MARCHF1: variants seen among roughly 807,000 people sequenced by gnomAD.
The protein encoded by MARCHF1 is membrane associated ring-CH-type finger 1.
A neutral mutation model predicts 54.2 loss-of-function variants in MARCHF1; 40 were observed. The observed-to-expected ratio is 0.74, with a 90% CI of 0.57 to 0.96. MARCHF1 has a LOEUF of 0.96. Ranked by LOEUF, MARCHF1 falls within the 40% of genes least tolerant of loss-of-function variation. The probability of loss-of-function intolerance (pLI) is 0.00; values close to 1 mark genes in which losing one functional copy is unlikely to be tolerated. For missense variants in MARCHF1, 586 were observed against 656.5 expected, an observed-to-expected ratio of 0.89 and a Z score of 1.17; for synonymous variants, 236 against 236.3, an observed-to-expected ratio of 1.00 and a Z score of 0.01.
At chr4:164,109,705 A>G (rs1755789466) in intron 2 of MARCHF1, among the ~76,000 whole-genome samples, 1 of 151,708 alleles carries the variant, frequency 6.6e-6, no homozygotes. Flanking sequence ...CTTGACTTTT[A>G]AAAATCGTTC....
At chr4:163,682,933 A>G (rs534998023) in intron 5 of MARCHF1, among the ~76,000 whole-genome samples, 50 of 152,320 alleles carry the variant, frequency 3.3e-4, no homozygotes, top group African/African-American at 1.2e-3. Context: ...GGGCTAATAC[A>G]TAGATATTAT....
chr4:164,382,397 T>G (rs936613870), intron 1 of MARCHF1, among the ~76,000 whole-genome samples: 4 of 152,246 alleles, frequency 2.6e-5, no homozygotes, highest in African/African-American at 9.6e-5. Flanking sequence ...TGATTGTTGC[T>G]TTCTTATACC....
chr4:164,295,834 T>G (rs919891021), intron 1 of MARCHF1, among the ~76,000 whole-genome samples: 1 of 152,088 alleles, frequency 6.6e-6, no homozygotes, highest in African/African-American at 2.4e-5. Flanking sequence ...TAACCTAAAC[T>G]AAAGCAAGAG....
At chr4:164,101,973 G>A (rs1755573521) in intron 2 of MARCHF1, among the ~76,000 whole-genome samples, 1 of 137,260 alleles carries the variant, frequency 7.3e-6, no homozygotes, top group African/African-American at 2.8e-5. Flanking sequence ...GAATGCAGAA[G>A]CCTCAGGAGC....
At chr4:164,250,646 T>G (rs1350059507) in intron 1 of MARCHF1, among the ~76,000 whole-genome samples, 1 of 152,150 alleles carries the variant, frequency 6.6e-6, no homozygotes, top group African/African-American at 2.4e-5. Flanking sequence ...AATAAATTAT[T>G]GATAATTGAT....
chr4:163,895,987 G>T (rs1381031703), intron 3 of MARCHF1, among the ~76,000 whole-genome samples: 1 of 152,076 alleles, frequency 6.6e-6, no homozygotes, highest in African/African-American at 2.4e-5. Flanking sequence ...ACTTCATTGT[G>T]AGAAGCATTG....
In MARCHF1 at chr4:163,709,368, G is replaced by C. The variant is rs562167399; in HGVS notation, c.112-8505C>G. 2.0e-5 allele frequency among the ~76,000 whole-genome samples: 3 copies of C among 152,218 alleles called. No individual in the cohort carries two copies. The South Asian group carries it at 6.2e-4, about 32-fold the overall frequency. On this transcript the variant is annotated intron_variant, in intron 4 of 9. Transcript: ENST00000514618. ...AGATGGGAAGATAGCTTGAGCCCAG[G>C]AGTTCAAGACCAGCCTGGGCAACAC... is the stretch of plus-strand genomic sequence containing the variant.
intron 5 of MARCHF1, among the ~76,000 whole-genome samples, chr4:163,699,060 A>T (rs1182058988): frequency 1.3e-5 from 2 of 152,184 alleles, no homozygotes; most frequent in African/African-American, 2.4e-5. Context: ...GTAAGTCGGA[A>T]GCGACACAGC....
intron 1 of MARCHF1, chr4:164,189,181 T>C (rs542867828): frequency 2.5e-5 from 14 of 561,518 alleles, no homozygotes; most frequent in African/African-American, 2.2e-4. Flanking sequence ...TTTCATCAAG[T>C]TGTACAAAAA....
At chr4:164,072,704 TAA>T (rs3029712) in intron 2 of MARCHF1, among the ~76,000 whole-genome samples, 24,074 of 136,118 alleles carry the variant, frequency 0.18, 2,016 homozygotes, top group Middle Eastern at 0.23. Flanking sequence ...TTTTCTCTAG[TAA>T]AAAAAAAAAA....
At chr4:163,685,281 A>C (rs1744230919) in intron 5 of MARCHF1, among the ~76,000 whole-genome samples, 1 of 152,138 alleles carries the variant, frequency 6.6e-6, no homozygotes, top group African/African-American at 2.4e-5. Context: ...ATGTAGTGAA[A>C]TGCATAAATC....
At chr4:164,335,895 C>T (rs1579730543) in intron 1 of MARCHF1, among the ~76,000 whole-genome samples, 1 of 151,816 alleles carries the variant, frequency 6.6e-6, no homozygotes, top group South Asian at 2.1e-4. Context: ...ATAGAACAAA[C>T]CTGAATATAT....
chr4:163,704,582 A>G lies in MARCHF1; in HGVS notation c.112-3719T>C, dbSNP rs144140468. Among the ~76,000 whole-genome samples the G allele has an allele frequency of 6.9e-3, 1,054 of 151,746 alleles. 7 individuals are homozygous for G. The highest frequency in any genetic ancestry group is 0.024 in the African/African-American group (1,010 of 41,512). On this transcript the variant is annotated intron_variant, in intron 4 of 9. Transcript: ENST00000514618. ...TTGAGCCAATACAATTAGAAATCCA[A>G]TTTTGAAAAGTGACTCGTAAGTCTT...
intron 1 of MARCHF1, among the ~76,000 whole-genome samples, chr4:164,186,919 G>A (rs540843606): frequency 2.0e-5 from 3 of 152,222 alleles, no homozygotes; most frequent in South Asian, 2.1e-4. Flanking sequence ...CTAAGGTGTC[G>A]AAAGTAGTTT....
At chr4:163,981,535 C>A (rs1305320100) in intron 3 of MARCHF1, among the ~76,000 whole-genome samples, 1 of 152,150 alleles carries the variant, frequency 6.6e-6, no homozygotes, top group Non-Finnish European at 1.5e-5. Flanking sequence ...GATGTCATTT[C>A]TCATCCTCAC....
At chr4:164,200,987 GAGGCA>G (rs1731435897) in intron 1 of MARCHF1, among the ~76,000 whole-genome samples, 1 of 152,102 alleles carries the variant, frequency 6.6e-6, no homozygotes, top group Admixed American at 6.5e-5. Context: ...GCCAGACCAC[GAGGCA>G]GAAACAGACT....
intron 5 of MARCHF1, among the ~76,000 whole-genome samples, chr4:163,694,151 T>A (rs1418698970): frequency 6.6e-6 from 1 of 152,104 alleles, no homozygotes; most frequent in Non-Finnish European, 1.5e-5. Flanking sequence ...AATCATCATC[T>A]ATACAAATCC....
At chr4:163,715,390 C>T (rs1021220031) in intron 4 of MARCHF1, among the ~76,000 whole-genome samples, 4 of 152,124 alleles carry the variant, frequency 2.6e-5, no homozygotes, top group Admixed American at 1.3e-4. Flanking sequence ...GGACTACAGG[C>T]GCCCGCCACC....
chr4:164,254,868 T>TA (rs1294943032), intron 1 of MARCHF1, among the ~76,000 whole-genome samples: 1 of 152,196 alleles, frequency 6.6e-6, no homozygotes, highest in African/African-American at 2.4e-5. Flanking sequence ...ACTCAAATGT[T>TA]AGTCTCTTTT....
Sources: allele counts gnomAD v4.1 joint callset (sites outside exome capture counted in the v4.1 genomes callset), GRCh38; gene constraint gnomAD v4.1.1; transcripts MANE v1.5; gene names NCBI Gene and HGNC (gene_info 2026-07-23, HGNC 2026-07-21).